The following EMP2 variants were observed in gnomAD, a reference collection of about 807,000 sequenced individuals.
EMP2 encodes epithelial membrane protein 2.
Under a neutral mutation model 13.7 loss-of-function variants are expected in EMP2, and 19 were observed. That is an observed-to-expected ratio of 1.38 (90% CI 0.97 to 2.03). The LOEUF (loss-of-function observed/expected upper bound fraction) is 2.03, where lower values mean the gene tolerates loss of function less well. Ranked by LOEUF, EMP2 falls within the 30% of genes most tolerant of loss-of-function variation. The probability of loss-of-function intolerance (pLI) is 0.00; values close to 1 mark genes in which losing one functional copy is unlikely to be tolerated. For missense variants in EMP2, 253 were observed against 220.7 expected (o/e 1.15, Z -0.93); for synonymous variants, 97 against 84.7 (o/e 1.15, Z -0.80).
chr16:10,548,321 A>G (rs528962859), intron 1 of EMP2, among the ~76,000 whole-genome samples: 10 of 152,296 alleles, frequency 6.6e-5, no homozygotes, highest in African/African-American at 2.4e-4. Flanking sequence ...ACGATTCCTG[A>G]TCAGAGCCCC....
chr16:10,543,661 C>T lies in EMP2; in HGVS notation c.79-1G>A, dbSNP rs772194995. The T allele has an allele frequency of 2.5e-6, 4 of 1,614,064 alleles. No individual in the cohort carries two copies. The highest frequency in any genetic ancestry group is 1.7e-5 in the Admixed American group (1 of 60,014). On this transcript the variant is annotated splice_acceptor_variant, in intron 2 of 4. Transcript: ENST00000359543. LOFTEE classifies it high-confidence loss of function. ...AAAACTCATCTCCTACCCACCAGGC[C>T]TGTAACACAAAATGGAAATAGAGAG...
chr16:10,577,046 C>G (rs1318896102), intron 1 of EMP2, among the ~76,000 whole-genome samples: 1 of 152,150 alleles, frequency 6.6e-6, no homozygotes, highest in Non-Finnish European at 1.5e-5. Flanking sequence ...GGGTCCCAGG[C>G]CCTGGGGACC....
Position 10,553,232 on chromosome 16 carries a change from CCAGT to C in EMP2, c.-60-5559_-60-5556del, listed in dbSNP as rs1477685461. On this transcript the variant is annotated intron_variant, in intron 1 of 4. Coordinates refer to ENST00000359543, the MANE Select transcript of EMP2 (RefSeq NM_001424.6). ...CCCTTCTGCGCCACTATTCCCGACG[CCAGT>C]CAGCCACTGCCCTCTTAGAGGCAAC... Among the ~76,000 whole-genome samples, 7 of 152,346 alleles carry C rather than the reference CCAGT, an allele frequency of 4.6e-5. No homozygotes were observed. In the South Asian group the frequency reaches 1.5e-3, roughly 32 times the overall value.
At chr16:10,573,278 C>T (rs2050960245) in intron 1 of EMP2, among the ~76,000 whole-genome samples, 1 of 152,116 alleles carries the variant, frequency 6.6e-6, no homozygotes, top group Admixed American at 6.5e-5. Flanking sequence ...CTCAAAACTC[C>T]TGTGCTCAAG....
Position 10,575,019 on chromosome 16 carries a change from G to A in EMP2, c.-61+5530C>T, listed in dbSNP as rs144494967. On this transcript the variant is annotated intron_variant, in intron 1 of 4. Transcript: ENST00000359543. Reference sequence around the variant, plus strand: ...TCCCGCCTCAGCCTCCTGAGTAGCTGGGAATACAGGTATGTGCCACCACAT... The same window carrying A: ...TCCCGCCTCAGCCTCCTGAGTAGCTAGGAATACAGGTATGTGCCACCACAT... Among the ~76,000 whole-genome samples, 99 of 152,178 alleles carry A rather than the reference G, an allele frequency of 6.5e-4. No homozygotes were observed. In the East Asian group the frequency reaches 0.019, roughly 29 times the overall value.
chr16:10,574,207 G>C (rs2050967139), intron 1 of EMP2, among the ~76,000 whole-genome samples: 1 of 152,050 alleles, frequency 6.6e-6, no homozygotes, highest in Non-Finnish European at 1.5e-5. Context: ...CAAAGTGCTG[G>C]GATTAGAGGC....
chr16:10,579,115 G>C (rs556941627), intron 1 of EMP2, among the ~76,000 whole-genome samples: 3 of 152,266 alleles, frequency 2.0e-5, no homozygotes, highest in African/African-American at 7.2e-5. Context: ...CAGGGGTGAG[G>C]CTCCCAGGGA....
chr16:10,566,491 T>C (rs1294029986), intron 1 of EMP2, among the ~76,000 whole-genome samples: 3 of 152,060 alleles, frequency 2.0e-5, no homozygotes, highest in Admixed American at 1.3e-4. Context: ...CTTGATGAAA[T>C]CAGAAGAACT....
At chr16:10,550,562 T>A (rs909642329) in intron 1 of EMP2, among the ~76,000 whole-genome samples, 1 of 152,242 alleles carries the variant, frequency 6.6e-6, no homozygotes, top group African/African-American at 2.4e-5. Context: ...GTGTCCTCAA[T>A]GGATCCCACC....
In EMP2 at chr16:10,532,030, C is replaced by T. The variant is rs7195563; in HGVS notation, c.*875G>A. The stretch of plus-strand genomic sequence containing the variant: ...CCTGCTGTGGGGGTTGCATTCACCT[C>T]CCCATCTCCACATGACGATACCCCA... On this transcript the variant is annotated 3_prime_UTR_variant, in exon 5 of 5. Coordinates refer to ENST00000359543, the MANE Select transcript of EMP2 (RefSeq NM_001424.6). The T allele has an allele frequency of 0.46, 70,512 of 154,464 alleles. 17,353 individuals are homozygous for T. Among genetic ancestry groups the T allele is most frequent in the East Asian group, 0.6 (3,057 of 5,118 alleles). 9.6% of individuals were successfully genotyped at this position (154,464 alleles called of 1,614,324 possible).
intron 1 of EMP2, among the ~76,000 whole-genome samples, chr16:10,564,219 A>G (rs1031219275): frequency 1.3e-5 from 2 of 152,202 alleles, no homozygotes; most frequent in African/African-American, 4.8e-5. Context: ...GGCCAGGCAC[A>G]GTGGCTCACG....
intron 3 of EMP2, among the ~76,000 whole-genome samples, chr16:10,541,988 A>T (rs2050703088): frequency 6.6e-6 from 1 of 152,150 alleles, no homozygotes. Flanking sequence ...ATTGTTACTG[A>T]GTGTGGTGAG....
intron 1 of EMP2, among the ~76,000 whole-genome samples, chr16:10,560,677 T>A (rs1156491016): frequency 6.6e-6 from 1 of 152,110 alleles, no homozygotes. Context: ...ACTTGTGGTG[T>A]GATTGGCCCT....
chr16:10,534,159 G>T (rs191729824), intron 4 of EMP2, among the ~76,000 whole-genome samples: 2 of 152,202 alleles, frequency 1.3e-5, no homozygotes, highest in East Asian at 3.9e-4. Flanking sequence ...GAGCGATGAG[G>T]GAGGAGAAAG....
At chr16:10,575,454 T>A (rs1040117850) in intron 1 of EMP2, among the ~76,000 whole-genome samples, 1 of 151,040 alleles carries the variant, frequency 6.6e-6, no homozygotes, top group Non-Finnish European at 1.5e-5. Flanking sequence ...CAGGGCTTCA[T>A]TGTGTTAGCC....
chr16:10,578,765 T>C (rs756931938), intron 1 of EMP2, among the ~76,000 whole-genome samples: 51 of 152,376 alleles, frequency 3.3e-4, no homozygotes, highest in South Asian at 6.2e-4. Context: ...CTCGACTCCC[T>C]GGCTCCCCAT....
At chr16:10,558,136 C>T (rs62029480) in intron 1 of EMP2, among the ~76,000 whole-genome samples, 2,874 of 151,836 alleles carry the variant, frequency 0.019, 34 homozygotes, top group Non-Finnish European at 0.031. Context: ...CTCAAGCGAT[C>T]CTCCTGCCTC....
intron 1 of EMP2, among the ~76,000 whole-genome samples, chr16:10,579,708 G>GCACACATA (rs1555461496): frequency 8.2e-5 from 12 of 146,668 alleles, no homozygotes; most frequent in African/African-American, 3.1e-4. Flanking sequence ...AGATCAAGGT[G>GCACACATA]CACACACACA....
At chr16:10,567,102 A>G (rs969580202) in intron 1 of EMP2, among the ~76,000 whole-genome samples, 1 of 151,304 alleles carries the variant, frequency 6.6e-6, no homozygotes, top group Non-Finnish European at 1.5e-5. Flanking sequence ...CTCTTGAAGC[A>G]CTAAACATTA....
Sources: gnomAD v4.1 joint callset for allele counts (sites outside exome capture counted in the v4.1 genomes callset) on GRCh38, gnomAD v4.1.1 for gene constraint, MANE v1.5 for transcripts, NCBI Gene and HGNC (gene_info 2026-07-23, HGNC 2026-07-21) for gene names.